Variants in ASIC2 observed in about 807,000 individuals in gnomAD.
ASIC2 encodes acid sensing ion channel subunit 2, also known as acid-sensing ion channel 2.
A neutral mutation model predicts 57.3 loss-of-function variants in ASIC2; 25 were observed. The observed-to-expected ratio is 0.44, with a 90% CI of 0.32 to 0.61. ASIC2 has a LOEUF of 0.61. Ranked by LOEUF, ASIC2 falls within the 20% of genes least tolerant of loss-of-function variation. The pLI is 0.06. For missense variants in ASIC2, 641 were observed against 738.1 expected (o/e 0.87, Z 1.52); for synonymous variants, 319 against 307.5 (o/e 1.04, Z -0.39).
chr17:33,332,202 G>A (rs1907341135), intron 1 of ASIC2, among the ~76,000 whole-genome samples: 1 of 152,170 alleles, frequency 6.6e-6, no homozygotes, highest in Non-Finnish European at 1.5e-5. Context: ...TGCCAGGGAG[G>A]CTAATACTAG....
chr17:33,920,977 T>G (rs1245060581), intron 1 of ASIC2, among the ~76,000 whole-genome samples: 2 of 152,182 alleles, frequency 1.3e-5, no homozygotes, highest in African/African-American at 4.8e-5. Context: ...CTCATAAAGT[T>G]TATGGGAGGA....
At chr17:33,331,267 T>C (rs1907301777) in intron 1 of ASIC2, among the ~76,000 whole-genome samples, 1 of 152,198 alleles carries the variant, frequency 6.6e-6, no homozygotes, top group Non-Finnish European at 1.5e-5. Flanking sequence ...AACTGGTCCC[T>C]GGTGCCAAAA....
At chr17:33,395,213 C>A (rs559964643) in intron 1 of ASIC2, among the ~76,000 whole-genome samples, 1 of 151,882 alleles carries the variant, frequency 6.6e-6, no homozygotes, top group Non-Finnish European at 1.5e-5. Context: ...TCCATCCATC[C>A]GTCCATCCAT....
chr17:33,769,924 G>A (rs1391327683), intron 1 of ASIC2, among the ~76,000 whole-genome samples: 1 of 152,152 alleles, frequency 6.6e-6, no homozygotes, highest in East Asian at 1.9e-4. Flanking sequence ...CCATCAGGAG[G>A]GTTCCATCCT....
At chr17:33,438,973 A>G (rs1911729504) in intron 1 of ASIC2, among the ~76,000 whole-genome samples, 1 of 151,670 alleles carries the variant, frequency 6.6e-6, no homozygotes, top group Non-Finnish European at 1.5e-5. Context: ...CCTCCCAAGT[A>G]GCTGGGACTA....
intron 1 of ASIC2, among the ~76,000 whole-genome samples, chr17:33,354,650 G>A (rs1194709498): frequency 6.6e-6 from 1 of 151,866 alleles, no homozygotes; most frequent in African/African-American, 2.4e-5. Flanking sequence ...CCTCTACTGG[G>A]AACATTCTTT....
rs57341033 is a variant in ASIC2, at chr17:33,418,024, A to ATGTGTGTGTGTG, written c.556-305958_556-305957insCACACACACACA. 8.1e-4 allele frequency among the ~76,000 whole-genome samples: 89 copies of ATGTGTGTGTGTG among 110,334 alleles called. 1 individual carries two copies. The highest frequency in any genetic ancestry group is 1.7e-3 in the African/African-American group (56 of 32,758). 72.4% of individuals were successfully genotyped at this position (110,334 alleles called of 152,430 possible). A position where few individuals can be genotyped will look rare whatever the true frequency, so the allele number is the denominator to read the frequency against. On this transcript the variant is annotated intron_variant, in intron 1 of 9. Transcript: ENST00000359872. ...GGCCCCACTCTGGCTCTCAGCATGT[A>ATGTGTGTGTGTG]TGTATGTGTGTGTGTGTGTGTGTGT...
chr17:33,019,650 G>A (rs2091826567), intron 7 of ASIC2, among the ~76,000 whole-genome samples: 1 of 152,034 alleles, frequency 6.6e-6, no homozygotes, highest in Non-Finnish European at 1.5e-5. Flanking sequence ...AGCGGCACAC[G>A]CTCTCATCAC....
chr17:33,119,168 C>T (rs1339702612), intron 1 of ASIC2, among the ~76,000 whole-genome samples: 3 of 152,156 alleles, frequency 2.0e-5, no homozygotes, highest in African/African-American at 7.2e-5. Flanking sequence ...ACCTTCTAAC[C>T]TATTCATTAA....
chr17:33,099,416 G>A (rs1248140141), intron 2 of ASIC2, among the ~76,000 whole-genome samples: 1 of 152,202 alleles, frequency 6.6e-6, no homozygotes, highest in Non-Finnish European at 1.5e-5. Flanking sequence ...ATGTGGGAAA[G>A]CACCTTATAC....
intron 1 of ASIC2, among the ~76,000 whole-genome samples, chr17:33,391,176 T>A (rs151126313): frequency 2.6e-5 from 4 of 152,316 alleles, no homozygotes; most frequent in African/African-American, 9.6e-5. Context: ...TTATAGATGA[T>A]GAAAAATACA....
intron 1 of ASIC2, among the ~76,000 whole-genome samples, chr17:33,261,858 C>T (rs1909294147): frequency 2.6e-5 from 4 of 152,166 alleles, no homozygotes; most frequent in African/African-American, 4.8e-5. Flanking sequence ...ACTCCAGAGG[C>T]GTCTCCTATC....
chr17:33,627,548 G>A (rs1186891226), intron 1 of ASIC2, among the ~76,000 whole-genome samples: 1 of 152,152 alleles, frequency 6.6e-6, no homozygotes, highest in Non-Finnish European at 1.5e-5. Flanking sequence ...AAGAATGAAT[G>A]AGCCTTGGGG....
intron 1 of ASIC2, among the ~76,000 whole-genome samples, chr17:33,840,751 A>C (rs1022830571): frequency 6.6e-6 from 1 of 151,008 alleles, no homozygotes; most frequent in Non-Finnish European, 1.5e-5. Context: ...AAGACATGGA[A>C]TATTAATTCA....
intron 1 of ASIC2, among the ~76,000 whole-genome samples, chr17:33,612,922 C>T (rs577373569): frequency 6.6e-6 from 1 of 152,268 alleles, no homozygotes; most frequent in East Asian, 1.9e-4. Context: ...CTCTTCTGTT[C>T]CAAATTTGGA....
At chr17:33,772,071 C>T (rs1911130070) in intron 1 of ASIC2, among the ~76,000 whole-genome samples, 1 of 152,220 alleles carries the variant, frequency 6.6e-6, no homozygotes, top group African/African-American at 2.4e-5. Context: ...CAACCAGAGA[C>T]ACTAGAATCC....
At chr17:33,653,410 T>TA (rs1426517730) in intron 1 of ASIC2, among the ~76,000 whole-genome samples, 2 of 152,232 alleles carry the variant, frequency 1.3e-5, no homozygotes, top group Admixed American at 1.3e-4. Context: ...AAACAATGTA[T>TA]AACACATCTA....
chr17:34,095,678 GAGATAT>G (rs1277781978), intron 1 of ASIC2, among the ~76,000 whole-genome samples: 40 of 123,330 alleles, frequency 3.2e-4, no homozygotes, highest in African/African-American at 1.1e-3. Flanking sequence ...TATAGAGAGA[GAGATAT>G]ATATAATTTT....
At chr17:33,385,449 C>T (rs1042783913) in intron 1 of ASIC2, among the ~76,000 whole-genome samples, 1 of 152,232 alleles carries the variant, frequency 6.6e-6, no homozygotes, top group South Asian at 2.1e-4. Context: ...CACATAAAAC[C>T]GTTCCAATTC....
Sources: allele counts gnomAD v4.1 joint callset (sites outside exome capture counted in the v4.1 genomes callset), GRCh38; gene constraint gnomAD v4.1.1; transcripts MANE v1.5; gene names NCBI Gene and HGNC (gene_info 2026-07-23, HGNC 2026-07-21).